CRYBG2: variants seen among roughly 807,000 people sequenced by gnomAD.
CRYBG2 encodes beta/gamma crystallin domain-containing protein 2.
CRYBG2 carries 106 observed loss-of-function variants against 153.4 expected under a neutral mutation model. The observed-to-expected ratio is 0.69, with a 90% CI of 0.59 to 0.81. CRYBG2 has a LOEUF of 0.81. Among genes scored for constraint, CRYBG2 ranks in the 30% least tolerant of loss-of-function variants. The pLI, the probability that CRYBG2 is intolerant of heterozygous loss-of-function variation, is 0.00. For synonymous variants in CRYBG2, 851 were observed against 877.8 expected (o/e 0.97, Z 0.54); for missense variants, 1,996 against 2,112.0 (o/e 0.95, Z 1.08).
intron 14 of CRYBG2, 114 bp from the exon 15 acceptor site, chr1:26,331,732 G>T: frequency 7.0e-7 from 1 of 1,427,358 alleles, no homozygotes; most frequent in East Asian, 2.3e-5. Flanking sequence ...CCTGTCCCAG[G>T]GGAGGTGGGA....
At chr1:26,322,397 C>T in intron 18 of CRYBG2, 74 bp from the exon 19 acceptor site, 1 of 1,503,408 alleles carries the variant, frequency 6.7e-7, no homozygotes, top group Non-Finnish European at 8.9e-7. Context: ...ACCCTTGACC[C>T]ATCTGCTCTG....
chr1:26,332,084 G>C (rs1028535207), intron 14 of CRYBG2, among the ~76,000 whole-genome samples: 1 of 152,146 alleles, frequency 6.6e-6, no homozygotes, highest in African/African-American at 2.4e-5. Context: ...GAGGCGGGCA[G>C]ATCACGAGGT....
In CRYBG2 at chr1:26,324,313, G is replaced by A. The variant is rs774698460; in HGVS notation, c.4579-3C>T. ...CAGAGGCGGAAATAAACCCGGCGCT[G>A]GTGGCAGAAAGAGGCTGAGAGTCAG... is the stretch of plus-strand genomic sequence containing the variant. On this transcript the variant is annotated splice_region_variant and splice_polypyrimidine_tract_variant and intron_variant, in intron 17 of 19. Coordinates refer to ENST00000308182, the MANE Select transcript of CRYBG2 (RefSeq NM_001039775.4). 1.2e-6 allele frequency: 2 copies of A among 1,602,294 alleles called. No homozygotes were observed. Among genetic ancestry groups the A allele is most frequent in the Non-Finnish European group, 1.7e-6 (2 of 1,177,388 alleles).
rs549818927 is a variant in CRYBG2 at position 26,349,031 on chromosome 1, T to C, written c.-55-2319A>G. ...TAAAAATAAAAATATTATCCAGGCATGGTGGTGGGCACCTGTAATCCCAGC... is the reference window on the plus strand; with the variant it reads ...TAAAAATAAAAATATTATCCAGGCACGGTGGTGGGCACCTGTAATCCCAGC... On this transcript the variant is annotated intron_variant, in intron 1 of 19. Transcript: ENST00000308182. Among the ~76,000 whole-genome samples the C allele has an allele frequency of 5.3e-5, 8 of 151,936 alleles. No homozygotes were observed. In the South Asian group the frequency reaches 1.5e-3, roughly 28 times the overall value.
Position 26,343,704 on chromosome 1 carries a change from G to A in CRYBG2, c.2913+41C>T, listed in dbSNP as rs2074161317. ...ACACCACTCAAGCCTTGACCCAGGT[G>A]AGGCCAGGCACCTCCCTTGCCCACC... On this transcript the variant is annotated intron_variant, in intron 2 of 19. Transcript: ENST00000308182. The surrounding 1 kb of genome is among the most constrained non-coding windows in gnomAD (Gnocchi z 4.1). 6.9e-7 allele frequency: 1 copy of A among 1,439,772 alleles called. No individual in the cohort carries two copies. The allele number at this position is 1,439,772 out of a possible 1,614,324, so 89.2% of individuals were successfully genotyped here.
At chr1:26,342,917 G>T (rs1278351537) in intron 4 of CRYBG2, 34 bp from the exon 5 acceptor site, 1 of 1,612,382 alleles carries the variant, frequency 6.2e-7, no homozygotes, top group South Asian at 1.1e-5. Flanking sequence ...TCACAGATGG[G>T]GAGGAGGATG....
intron 18 of CRYBG2, among the ~76,000 whole-genome samples, chr1:26,322,992 A>G (rs1029987468): frequency 2.6e-5 from 4 of 151,974 alleles, no homozygotes; most frequent in Non-Finnish European, 1.5e-5. Context: ...TCTGCCTGGA[A>G]CACTCTTCCC....
rs762831628 is a variant in CRYBG2, at chr1:26,328,724, C to T, written c.4454+10G>A. 1.9e-6 allele frequency: 3 copies of T among 1,610,242 alleles called. No individual in the cohort carries two copies. Among genetic ancestry groups the T allele is most frequent in the African/African-American group, 2.7e-5 (2 of 74,722 alleles). ...CAGCCACCGCACCCATGCCTCCCCT[C>T]AGCACTCACATGCCCCCCTTGATCC... is the stretch of plus-strand genomic sequence containing the variant. On this transcript the variant is annotated intron_variant, in intron 16 of 19. Transcript: ENST00000308182.
intron 16 of CRYBG2, 137 bp from the exon 17 acceptor site, chr1:26,328,469 G>T: frequency 7.5e-7 from 1 of 1,334,516 alleles, no homozygotes; most frequent in Non-Finnish European, 1.0e-6. Context: ...GCCTGGAATA[G>T]GGTTCCCAGG....
At chr1:26,328,052 GTAGACAA>G (rs1258399197) in intron 17 of CRYBG2, among the ~76,000 whole-genome samples, 150 bp downstream of exon 17, 1 of 152,034 alleles carries the variant, frequency 6.6e-6, no homozygotes. Context: ...AAAATATTAA[GTAGACAA>G]TGGCTCAAGA....
At chr1:26,337,129 A>G in intron 10 of CRYBG2, 124 bp downstream of exon 10, 1 of 1,549,072 alleles carries the variant, frequency 6.5e-7, no homozygotes, top group African/African-American at 1.4e-5. Flanking sequence ...GAGAGGCTAG[A>G]CCTCTGGGAA....
rs369203370 is a variant in CRYBG2 at position 26,336,671 on chromosome 1, A to G, written c.3973T>C (p.Tyr1325His). 4 of 1,557,384 alleles carry G rather than the reference A, an allele frequency of 2.6e-6. No homozygotes were observed. In the African/African-American group the frequency reaches 4.1e-5, roughly 16 times the overall value. Reference protein sequence around the residue: ...GEQYVLEKGVYRNCEDWGAGN... With the variant: ...GEQYVLEKGVHRNCEDWGAGN... ...GCGCCCCAGTCCTCGCAGTTACGATACACGCCCTTCTCCAGCACGTACTGT... is the reference window on the plus strand; with the variant it reads ...GCGCCCCAGTCCTCGCAGTTACGATGCACGCCCTTCTCCAGCACGTACTGT... The change falls in exon 12 of 20, where the codon TAT becomes CAT. Residue 1325 changes from tyrosine (Y) to histidine (H), a missense_variant. Coordinates refer to ENST00000308182, the MANE Select transcript of CRYBG2 (RefSeq NM_001039775.4). The surrounding 1 kb of genome is among the most constrained non-coding windows in gnomAD (Gnocchi z 4.9).
Position 26,346,227 on chromosome 1 carries a change from A to C in CRYBG2, c.431T>G (p.Leu144Trp). 1 of 1,574,526 alleles carries C rather than the reference A, an allele frequency of 6.4e-7. No individual in the cohort carries two copies. The highest frequency in any genetic ancestry group is 8.6e-7 in the Non-Finnish European group (1 of 1,166,094). Residue 144 changes from leucine (L) to tryptophan (W), a missense_variant, in exon 2 of 20, where the codon TTG (leucine) becomes TGG (tryptophan). Transcript: ENST00000308182. The surrounding 1 kb of genome is among the most constrained non-coding windows in gnomAD (Gnocchi z 4.9). ...CTCTCGGGGCCCAGGCAGGGGAACC[A>C]AAAGCTCAGTCCTGGCCATAGCTCC... The part of the protein sequence containing the change: ...CVGAMARTEL[L>W]VPLPGPREPS...
Position 26,346,291 on chromosome 1 carries a change from C to A in CRYBG2, c.367G>T (p.Gly123Cys). The change falls in exon 2 of 20, where the codon GGC (glycine) becomes TGC (cysteine). Residue 123 changes from glycine to cysteine, a missense_variant. By Grantham distance (159) the Gly-to-Cys change is radical. Transcript: ENST00000308182. The surrounding 1 kb of genome is among the most constrained non-coding windows in gnomAD (Gnocchi z 4.9). Reference sequence around the variant, plus strand: ...TCAGTCCTGGGAGCTTGGCGGCTGCCATCACTCTGGTCCACAGCCTCCTTC... The same window carrying A: ...TCAGTCCTGGGAGCTTGGCGGCTGCAATCACTCTGGTCCACAGCCTCCTTC... ...RLKEAVDQSD[G>C]SRQAPRTEPP... is the part of the protein sequence containing the mutation. The A allele has an allele frequency of 6.3e-7, 1 of 1,597,306 alleles. No homozygotes were observed. The highest frequency in any genetic ancestry group is 2.2e-5 in the East Asian group (1 of 44,828).
At chr1:26,331,770 G>C in intron 14 of CRYBG2, 152 bp from the exon 15 acceptor site, 1 of 1,093,232 alleles carries the variant, frequency 9.1e-7, no homozygotes, top group East Asian at 2.6e-5. Context: ...AGCAGGGAAT[G>C]AGGTCAGACC....
rs2074190885 is a variant in CRYBG2, at chr1:26,345,029, G to A, written c.1629C>T (p.Pro543=). 1.3e-6 allele frequency: 1 copy of A among 765,660 alleles called. No homozygotes were observed. Among genetic ancestry groups the A allele is most frequent in the Non-Finnish European group, 1.8e-6 (1 of 549,228 alleles). The allele number at this position is 765,660 out of a possible 1,614,324, so 47.4% of individuals were successfully genotyped here. ...KGPGAPDASF[P]TWKEVVKGPG... is the part of the protein sequence containing the mutation. ...GGCCCTTCACAACCTCTTTCCAGGT[G>A]GGAAATGAGGCATCAGGAGCACCGG... The change falls in exon 2 of 20, where the codon CCC becomes CCT. Residue 543 remains proline (P), a synonymous_variant. Transcript: ENST00000308182.
chr1:26,346,010 C>T lies in CRYBG2; in HGVS notation c.648G>A (p.Met216Ile). 1.3e-6 allele frequency: 2 copies of T among 1,593,898 alleles called. No homozygotes were observed. Among genetic ancestry groups the T allele is most frequent in the Non-Finnish European group, 1.7e-6 (2 of 1,177,494 alleles). The stretch of plus-strand genomic sequence containing the variant: ...GGGAGCCCACCACCACTGGCGGCAC[C>T]ATGCGGGAGACCTGACGGCCCCGTG... ...ALPRGRQVSR[M>I]VPPVVVGSPP... Residue 216 changes from methionine to isoleucine, a missense_variant, in exon 2 of 20, where the codon ATG (methionine) becomes ATA (isoleucine). Met to Ile is a conservative substitution (Grantham distance 10). Coordinates refer to ENST00000308182, the MANE Select transcript of CRYBG2 (RefSeq NM_001039775.4). This position sits in a 1 kb window ranked among gnomAD's most constrained non-coding sequence, Gnocchi z 4.9.
Position 26,343,925 on chromosome 1 carries a change from G to A in CRYBG2, c.2733C>T (p.Gly911=), listed in dbSNP as rs1374959801. The A allele has an allele frequency of 6.5e-7, 1 of 1,538,720 alleles. No individual in the cohort carries two copies. Among genetic ancestry groups the A allele is most frequent in the South Asian group, 1.2e-5 (1 of 83,452 alleles). Residue 911 remains glycine (G), a synonymous_variant, in exon 2 of 20, where the codon GGC becomes GGT. Coordinates refer to ENST00000308182, the MANE Select transcript of CRYBG2 (RefSeq NM_001039775.4). The surrounding 1 kb of genome is among the most constrained non-coding windows in gnomAD (Gnocchi z 4.1). ...TSRLGGSLLF[G]SLVPTAKEAS... ...CCTCCTTGGCGGTAGGCACCAGACT[G>A]CCGAACAGAAGGCTGCCTCCAAGAC...
At chr1:26,348,046 G>C (rs1172225629) in intron 1 of CRYBG2, among the ~76,000 whole-genome samples, 1 of 152,210 alleles carries the variant, frequency 6.6e-6, no homozygotes, top group Non-Finnish European at 1.5e-5. Flanking sequence ...TGATCCTTCT[G>C]CGTTAACTCT....
Sources: gnomAD v4.1 joint callset for allele counts (sites outside exome capture counted in the v4.1 genomes callset) on GRCh38, gnomAD v4.1.1 for gene constraint, Gnocchi (gnomAD v3.1) non-coding constraint, MANE v1.5 for transcripts, NCBI Gene and HGNC (gene_info 2026-07-23, HGNC 2026-07-21) for gene names.